Variants in TNNI3K observed in about 807,000 individuals in gnomAD.
TNNI3K encodes serine/threonine-protein kinase TNNI3K.
TNNI3K carries 140 observed loss-of-function variants against 114.5 expected under a neutral mutation model. The observed-to-expected ratio is 1.22, with a 90% confidence interval of 1.07 to 1.41. The LOEUF is 1.41. Among genes scored for constraint, TNNI3K ranks in the 40% most tolerant of loss-of-function variants. The pLI, the probability that TNNI3K is intolerant of heterozygous loss-of-function variation, is 0.00. For missense variants in TNNI3K, 1,125 were observed against 1,007.6 expected (o/e 1.12, Z -1.58); for synonymous variants, 347 against 347.5 (o/e 1.00, Z 0.02).
At chr1:74,494,110 TA>T (rs1669214300) in intron 23 of TNNI3K, among the ~76,000 whole-genome samples, 1 of 152,074 alleles carries the variant, frequency 6.6e-6, no homozygotes, top group South Asian at 2.1e-4. Flanking sequence ...AAGACTAGTT[TA>T]AAATCTTTCT....
rs572302206 is a variant in TNNI3K, at chr1:74,393,238, T to G, written c.1772+22846T>G. Among the ~76,000 whole-genome samples the G allele has an allele frequency of 4.0e-5, 6 of 151,704 alleles. No homozygotes were observed. The South Asian group carries it at 8.4e-4, about 21-fold the overall frequency. ...GTGGAGAAGGACAGGAATATTGAGT[T>G]AGTTAGGGATATAGATAGGATGGAA... On this transcript the variant is annotated intron_variant, in intron 17 of 24. Coordinates refer to ENST00000326637, the MANE Select transcript of TNNI3K (RefSeq NM_015978.3).
At chr1:74,483,213 T>A in intron 21 of TNNI3K, 1 of 712,440 alleles carries the variant, frequency 1.4e-6, no homozygotes, top group East Asian at 2.7e-5. Context: ...TGGCAACCAA[T>A]TTTCCAGGTA....
intron 21 of TNNI3K, among the ~76,000 whole-genome samples, chr1:74,483,709 A>G (rs1457916792): frequency 6.6e-6 from 1 of 152,176 alleles, no homozygotes; most frequent in African/African-American, 2.4e-5. Flanking sequence ...CTGCAACCCA[A>G]TTGGAGACTA....
chr1:74,527,086 C>T (rs1646513551), intron 23 of TNNI3K, among the ~76,000 whole-genome samples: 1 of 152,114 alleles, frequency 6.6e-6, no homozygotes, highest in Admixed American at 6.6e-5. Flanking sequence ...GTCACGTAGC[C>T]CCAAAACTGT....
At chr1:74,512,187 C>T (rs1015128662) in intron 23 of TNNI3K, among the ~76,000 whole-genome samples, 25 of 152,152 alleles carry the variant, frequency 1.6e-4, no homozygotes, top group African/African-American at 5.1e-4. Context: ...CATAAAGGGG[C>T]ATGATTTCTG....
chr1:74,306,401 G>A (rs1658635655), intron 5 of TNNI3K, among the ~76,000 whole-genome samples: 1 of 152,280 alleles, frequency 6.6e-6, no homozygotes, highest in Non-Finnish European at 1.5e-5. Flanking sequence ...ACCCAGTAAT[G>A]GGATTGCTGG....
intron 5 of TNNI3K, among the ~76,000 whole-genome samples, chr1:74,304,562 C>T (rs939999812): frequency 3.3e-5 from 5 of 152,146 alleles, no homozygotes; most frequent in Admixed American, 1.3e-4. Context: ...CCTCACTCAG[C>T]TTCCAGAGTA....
At chr1:74,276,788 C>A (rs1656712515) in intron 5 of TNNI3K, among the ~76,000 whole-genome samples, 1 of 152,044 alleles carries the variant, frequency 6.6e-6, no homozygotes, top group Non-Finnish European at 1.5e-5. Context: ...ATTGTGAATT[C>A]TATTAAACAA....
intron 23 of TNNI3K, among the ~76,000 whole-genome samples, chr1:74,538,745 G>A (rs559099655): frequency 6.6e-6 from 1 of 152,190 alleles, no homozygotes; most frequent in East Asian, 1.9e-4. Context: ...TCAGCAAAAG[G>A]GGATTTGCGT....
intron 4 of TNNI3K, among the ~76,000 whole-genome samples, chr1:74,251,216 T>C (rs1200524360): frequency 6.6e-6 from 1 of 152,192 alleles, no homozygotes; most frequent in Non-Finnish European, 1.5e-5. Context: ...CCTTTTTGCT[T>C]TAGCTGTTTA....
At chr1:74,320,118 A>G (rs944493198) in intron 5 of TNNI3K, among the ~76,000 whole-genome samples, 1 of 152,134 alleles carries the variant, frequency 6.6e-6, no homozygotes, top group Non-Finnish European at 1.5e-5. Context: ...TTTTATTTTT[A>G]TTGTAGGCTT....
chr1:74,531,694 C>A (rs988520456), intron 23 of TNNI3K, among the ~76,000 whole-genome samples: 2 of 152,060 alleles, frequency 1.3e-5, no homozygotes, highest in Non-Finnish European at 2.9e-5. Flanking sequence ...TGTATTAGTT[C>A]CTTAGATTGG....
chr1:74,289,014 A>G (rs1418888781), intron 5 of TNNI3K, among the ~76,000 whole-genome samples: 2 of 151,528 alleles, frequency 1.3e-5, no homozygotes, highest in African/African-American at 4.8e-5. Context: ...GGCTTGGAGC[A>G]ACAAGTAAAA....
chr1:74,501,250 A>C (rs1052583720), intron 23 of TNNI3K, among the ~76,000 whole-genome samples: 1 of 152,096 alleles, frequency 6.6e-6, no homozygotes, highest in African/African-American at 2.4e-5. Flanking sequence ...GCTGGATTTA[A>C]TGTGTTGTTT....
chr1:74,504,949 G>A (rs2100355347), intron 23 of TNNI3K, among the ~76,000 whole-genome samples: 1 of 152,232 alleles, frequency 6.6e-6, no homozygotes, highest in African/African-American at 2.4e-5. Flanking sequence ...ATTCGCCGGA[G>A]GCAAACTGCT....
At chr1:74,507,285 C>A (rs1557614868) in intron 23 of TNNI3K, among the ~76,000 whole-genome samples, 1 of 140,704 alleles carries the variant, frequency 7.1e-6, no homozygotes, top group Non-Finnish European at 1.5e-5. Context: ...CAAGTTCAAT[C>A]CCAATGTCTC....
intron 23 of TNNI3K, among the ~76,000 whole-genome samples, chr1:74,526,045 T>G (rs1646500677): frequency 6.6e-6 from 1 of 152,184 alleles, no homozygotes; most frequent in African/African-American, 2.4e-5. Flanking sequence ...TACATTCGCT[T>G]AAAACAAAAC....
intron 21 of TNNI3K, among the ~76,000 whole-genome samples, chr1:74,473,847 A>C (rs1668056926): frequency 6.6e-6 from 1 of 152,188 alleles, no homozygotes. Context: ...TCTGTGACTC[A>C]AAGATAAACA....
At chr1:74,321,619 A>G (rs1254465467) in intron 5 of TNNI3K, among the ~76,000 whole-genome samples, 3 of 151,892 alleles carry the variant, frequency 2.0e-5, no homozygotes, top group Admixed American at 1.3e-4. Flanking sequence ...TTTTATATAC[A>G]TAAGTTAGTG....
Sources: gnomAD v4.1 joint callset for allele counts (sites outside exome capture counted in the v4.1 genomes callset) on GRCh38, gnomAD v4.1.1 for gene constraint, MANE v1.5 for transcripts, NCBI Gene and HGNC (gene_info 2026-07-23, HGNC 2026-07-21) for gene names.